Variants in XKR4 observed in about 807,000 individuals in gnomAD.
XKR4 encodes the protein XK related 4, also known as XK-related protein 4.
In XKR4, 12 loss-of-function variants were observed where a neutral mutation model predicts 53.9. The ratio of observed to expected loss-of-function variants is 0.22; its 90% CI spans 0.14 to 0.36. The LOEUF is 0.36. Among genes scored for constraint, XKR4 ranks in the 10% least tolerant of loss-of-function variants. The pLI, the probability that XKR4 is intolerant of heterozygous loss-of-function variation, is 1.00. For missense variants in XKR4, 799 were observed against 859.5 expected (o/e 0.93, Z 0.88); for synonymous variants, 354 against 362.4 (o/e 0.98, Z 0.26).
At chr8:55,468,553 C>T (rs1805815714) in intron 2 of XKR4, among the ~76,000 whole-genome samples, 1 of 152,092 alleles carries the variant, frequency 6.6e-6, no homozygotes, top group East Asian at 1.9e-4. Context: ...TCTCTTCTCC[C>T]TGCTGTATTA....
At chr8:55,402,393 C>T (rs1804614154) in intron 2 of XKR4, among the ~76,000 whole-genome samples, 1 of 152,134 alleles carries the variant, frequency 6.6e-6, no homozygotes, top group African/African-American at 2.4e-5. Flanking sequence ...CTTTAAGGAA[C>T]TCAGGATTGA....
chr8:55,233,015 G>A (rs1443168711), intron 1 of XKR4, among the ~76,000 whole-genome samples: 2 of 152,236 alleles, frequency 1.3e-5, no homozygotes, highest in Non-Finnish European at 2.9e-5. Context: ...TAGAATGAAG[G>A]ATGGTGTATC....
At chr8:55,205,790 C>T (rs535123944) in intron 1 of XKR4, among the ~76,000 whole-genome samples, 16 of 152,224 alleles carry the variant, frequency 1.1e-4, no homozygotes, top group South Asian at 4.1e-4. Flanking sequence ...TTACTGTGTC[C>T]GGAATTGGTT....
intron 2 of XKR4, among the ~76,000 whole-genome samples, chr8:55,483,762 A>C (rs1042050261): frequency 2.4e-5 from 3 of 127,640 alleles, no homozygotes; most frequent in African/African-American, 1.2e-4. Context: ...CCTCTCCCTT[A>C]AACAAAAAAA....
chr8:55,402,633 G>A (rs1238690173), intron 2 of XKR4, among the ~76,000 whole-genome samples: 1 of 152,192 alleles, frequency 6.6e-6, no homozygotes, highest in East Asian at 1.9e-4. Flanking sequence ...GATTCAAATT[G>A]TTGCTGTAAT....
intron 1 of XKR4, among the ~76,000 whole-genome samples, chr8:55,175,467 A>G (rs532620032): frequency 6.6e-6 from 1 of 152,226 alleles, no homozygotes; most frequent in East Asian, 1.9e-4. Flanking sequence ...AAATTTTTAA[A>G]TGCCCAGTTT....
At chr8:55,475,615 T>A (rs1324851994) in intron 2 of XKR4, among the ~76,000 whole-genome samples, 2 of 72,388 alleles carry the variant, frequency 2.8e-5, no homozygotes, top group African/African-American at 1.2e-4. Flanking sequence ...TATTTATTTA[T>A]TTATTTGAGA....
chr8:55,466,281 T>G (rs1017205665), intron 2 of XKR4, among the ~76,000 whole-genome samples: 17 of 152,072 alleles, frequency 1.1e-4, no homozygotes, highest in African/African-American at 4.1e-4. Context: ...ATGTGGCACA[T>G]ACACCCTGGA....
chr8:55,250,333 C>A (rs1563493193), intron 1 of XKR4, among the ~76,000 whole-genome samples: 1 of 152,110 alleles, frequency 6.6e-6, no homozygotes, highest in Non-Finnish European at 1.5e-5. Flanking sequence ...TAGAATGAAG[C>A]ACATTTATTG....
rs115114319 is a variant in XKR4, at chr8:55,438,822, A to G, written c.1006+80945A>G. On this transcript the variant is annotated intron_variant, in intron 2 of 2. Coordinates refer to ENST00000327381, the MANE Select transcript of XKR4 (RefSeq NM_052898.2). ...GGAATATAAGGACAAGAGAGGCTATAAACAACAGGAAAGCACTATCTGGAG... is the reference window on the plus strand; with the variant it reads ...GGAATATAAGGACAAGAGAGGCTATGAACAACAGGAAAGCACTATCTGGAG... Among the ~76,000 whole-genome samples the G allele has an allele frequency of 1.1e-3, 163 of 152,336 alleles. 1 individual carries two copies. Among genetic ancestry groups the G allele is most frequent in the African/African-American group, 3.9e-3 (161 of 41,588 alleles).
chr8:55,149,271 A>G (rs967772069), intron 1 of XKR4, among the ~76,000 whole-genome samples: 3 of 152,094 alleles, frequency 2.0e-5, no homozygotes, highest in Admixed American at 1.3e-4. Flanking sequence ...TCCATCATTT[A>G]CTTTAGTCAA....
chr8:55,235,031 C>T (rs555250858), intron 1 of XKR4, among the ~76,000 whole-genome samples: 2 of 152,318 alleles, frequency 1.3e-5, no homozygotes, highest in South Asian at 2.1e-4. Context: ...TATTCTTTCA[C>T]AGCTCAGGAG....
At chr8:55,403,899 C>G (rs1057064783) in intron 2 of XKR4, among the ~76,000 whole-genome samples, 2 of 152,204 alleles carry the variant, frequency 1.3e-5, no homozygotes, top group Non-Finnish European at 2.9e-5. Flanking sequence ...GTATCACATC[C>G]CGGAAGCTCA....
At chr8:55,128,358 T>G (rs2129352770) in intron 1 of XKR4, among the ~76,000 whole-genome samples, 1 of 152,316 alleles carries the variant, frequency 6.6e-6, no homozygotes, top group Middle Eastern at 3.4e-3. Flanking sequence ...CTACTAGAAC[T>G]TCTGTAGTCT....
chr8:55,208,621 C>T (rs1225287683), intron 1 of XKR4, among the ~76,000 whole-genome samples: 2 of 152,032 alleles, frequency 1.3e-5, no homozygotes, highest in African/African-American at 4.8e-5. Context: ...CGCCCACCAC[C>T]ACACCCAGCT....
intron 1 of XKR4, among the ~76,000 whole-genome samples, chr8:55,241,670 C>A (rs997147241): frequency 6.6e-6 from 1 of 152,084 alleles, no homozygotes; most frequent in East Asian, 1.9e-4. Context: ...TCAATCATTC[C>A]CCTAGGTCTC....
intron 2 of XKR4, among the ~76,000 whole-genome samples, chr8:55,424,529 A>G (rs529249814): frequency 1.3e-5 from 2 of 152,352 alleles, no homozygotes; most frequent in South Asian, 4.1e-4. Context: ...CAAGGCATCT[A>G]ATAAAAGGCA....
At chr8:55,365,932 G>C (rs1337843239) in intron 2 of XKR4, among the ~76,000 whole-genome samples, 2 of 152,208 alleles carry the variant, frequency 1.3e-5, no homozygotes, top group African/African-American at 4.8e-5. Flanking sequence ...CCTCGCAGCT[G>C]TGGGGACAGC....
In XKR4 at chr8:55,112,575, T is replaced by TTGTTTG. The variant is rs1287177119; in HGVS notation, c.806+9282_806+9283insGTTTGT. ...TTTACTTTTCAGGTTTTTTTTTTTT[T>TTGTTTG]TTTTTTTTTTTTTAGGGAGCAGAGA... is the stretch of plus-strand genomic sequence containing the variant. On this transcript the variant is annotated intron_variant, in intron 1 of 2. Coordinates refer to ENST00000327381, the MANE Select transcript of XKR4 (RefSeq NM_052898.2). Among the ~76,000 whole-genome samples the TTGTTTG allele has an allele frequency of 3.6e-5, 5 of 139,362 alleles. No homozygotes were observed. The East Asian group carries it at 1.0e-3, about 29-fold the overall frequency. 91.4% of individuals were successfully genotyped at this position (139,362 alleles called of 152,430 possible). A position where few individuals can be genotyped will look rare whatever the true frequency, so the allele number is the denominator to read the frequency against.
Sources: allele counts gnomAD v4.1 joint callset (sites outside exome capture counted in the v4.1 genomes callset), GRCh38; gene constraint gnomAD v4.1.1; transcripts MANE v1.5; gene names NCBI Gene and HGNC (gene_info 2026-07-23, HGNC 2026-07-21).